ZFPM2: variants seen among roughly 807,000 people sequenced by gnomAD.
The protein encoded by ZFPM2 is zinc finger protein, FOG family member 2, also known as zinc finger protein ZFPM2.
ZFPM2 carries 20 observed loss-of-function variants against 98.6 expected under a neutral mutation model. The ratio of observed to expected loss-of-function variants is 0.20; its 90% confidence interval spans 0.14 to 0.29. ZFPM2 has a LOEUF of 0.29. Among genes scored for constraint, ZFPM2 ranks in the 10% least tolerant of loss-of-function variants. The probability of loss-of-function intolerance (pLI) is 1.00; values close to 1 mark genes in which losing one functional copy is unlikely to be tolerated. For synonymous variants in ZFPM2, 518 were observed against 502.7 expected (o/e 1.03, Z -0.41); for missense variants, 1,310 against 1,388.6 (o/e 0.94, Z 0.90).
intron 3 of ZFPM2, among the ~76,000 whole-genome samples, chr8:105,508,667 C>A (rs1376404055): frequency 2.6e-5 from 4 of 152,082 alleles, no homozygotes; most frequent in African/African-American, 9.6e-5. Context: ...CTCTTCTATC[C>A]TAATCTGTAA....
chr8:105,512,882 ATGTG>A (rs141926738), intron 3 of ZFPM2, among the ~76,000 whole-genome samples: 1 of 151,356 alleles, frequency 6.6e-6, no homozygotes, highest in Non-Finnish European at 1.5e-5. Context: ...ATGTATGTAT[ATGTG>A]TGTGTGTGTG....
At chr8:105,757,334 A>G (rs1812626647) in intron 5 of ZFPM2, among the ~76,000 whole-genome samples, 1 of 152,192 alleles carries the variant, frequency 6.6e-6, no homozygotes, top group South Asian at 2.1e-4. Context: ...TTTGCTTTAA[A>G]AGATATATTT....
intron 1 of ZFPM2, among the ~76,000 whole-genome samples, chr8:105,337,827 T>G (rs1222593408): frequency 6.6e-6 from 1 of 151,564 alleles, no homozygotes; most frequent in Admixed American, 6.6e-5. Flanking sequence ...ACTGCAAATT[T>G]TGTGAGTGAG....
intron 2 of ZFPM2, among the ~76,000 whole-genome samples, chr8:105,424,765 T>C (rs947919677): frequency 3.3e-5 from 5 of 152,212 alleles, no homozygotes; most frequent in Non-Finnish European, 7.3e-5. Context: ...AACCCATATA[T>C]TAAGCATCTG....
At chr8:105,497,516 A>T (rs752477737) in intron 3 of ZFPM2, among the ~76,000 whole-genome samples, 3 of 152,198 alleles carry the variant, frequency 2.0e-5, no homozygotes, top group Non-Finnish European at 4.4e-5. Context: ...TAATTTATTG[A>T]TTTAGACATA....
chr8:105,785,232 C>T (rs923974548), intron 5 of ZFPM2: 1 of 152,096 alleles, frequency 6.6e-6, no homozygotes, highest in Non-Finnish European at 1.5e-5. Flanking sequence ...ATAAATTCAC[C>T]AGAAGTCTGT....
intron 5 of ZFPM2, among the ~76,000 whole-genome samples, chr8:105,664,599 G>A (rs1817456077): frequency 6.6e-6 from 1 of 152,126 alleles, no homozygotes; most frequent in African/African-American, 2.4e-5. Flanking sequence ...CTCCCAAAGT[G>A]CTTGGGATTA....
intron 5 of ZFPM2, among the ~76,000 whole-genome samples, chr8:105,716,334 CATATT>C (rs1322248856): frequency 6.6e-6 from 1 of 151,426 alleles, no homozygotes; most frequent in Admixed American, 6.6e-5. Flanking sequence ...AAATGGTTCT[CATATT>C]AGACATTGCA....
chr8:105,450,007 T>G (rs1812453532), intron 3 of ZFPM2, among the ~76,000 whole-genome samples: 1 of 152,102 alleles, frequency 6.6e-6, no homozygotes, highest in South Asian at 2.1e-4. Context: ...CCACCCGACT[T>G]AAAACATGAT....
intron 2 of ZFPM2, among the ~76,000 whole-genome samples, chr8:105,427,045 T>G (rs1305761047): frequency 6.6e-6 from 1 of 152,184 alleles, no homozygotes; most frequent in African/African-American, 2.4e-5. Flanking sequence ...CACTCTTTTA[T>G]AGCCATCTTA....
intron 3 of ZFPM2, among the ~76,000 whole-genome samples, chr8:105,479,919 T>C (rs1328906303): frequency 6.6e-6 from 1 of 152,178 alleles, no homozygotes; most frequent in African/African-American, 2.4e-5. Flanking sequence ...ATCATGCTTA[T>C]TTTAAAGTAT....
At chr8:105,699,167 A>G (rs1229126470) in intron 5 of ZFPM2, among the ~76,000 whole-genome samples, 1 of 152,166 alleles carries the variant, frequency 6.6e-6, no homozygotes, top group Non-Finnish European at 1.5e-5. Flanking sequence ...ATTAAAATTA[A>G]ATGTGAGTGA....
At position 105,802,462 on chromosome 8, in the gene ZFPM2, A is replaced by G. The variant is rs1312588972; in HGVS notation, c.2380A>G (p.Ile794Val). 3 of 1,613,598 alleles carry G rather than the reference A, an allele frequency of 1.9e-6. No homozygotes were observed. The highest frequency in any genetic ancestry group is 2.5e-6 in the Non-Finnish European group (3 of 1,179,748). Residue 794 changes from isoleucine (I) to valine (V), a missense_variant, in exon 8 of 8, where the codon ATT becomes GTT. Physicochemically the swap from Ile to Val is conservative, Grantham distance 29. Coordinates refer to ENST00000407775, the MANE Select transcript of ZFPM2 (RefSeq NM_012082.4). ...YHPRCDIFPG[I>V]VSKHLETSLT... ...CCCAAGATGTGATATCTTTCCAGGAATTGTCTCTAAACACTTGGAAACTTC... is the reference window on the plus strand; with the variant it reads ...CCCAAGATGTGATATCTTTCCAGGAGTTGTCTCTAAACACTTGGAAACTTC...
At chr8:105,667,646 T>A (rs1307851727) in intron 5 of ZFPM2, among the ~76,000 whole-genome samples, 1 of 152,144 alleles carries the variant, frequency 6.6e-6, no homozygotes, top group Non-Finnish European at 1.5e-5. Flanking sequence ...GTTTTCTACA[T>A]AGAGTTCAAT....
At chr8:105,754,507 A>G (rs558642501) in intron 5 of ZFPM2, among the ~76,000 whole-genome samples, 269 of 152,222 alleles carry the variant, frequency 1.8e-3, no homozygotes, top group Non-Finnish European at 1.8e-3. Flanking sequence ...GGTGACATCA[A>G]TGGAAATTCT....
chr8:105,420,223 T>TTG (rs1236108943), intron 2 of ZFPM2, among the ~76,000 whole-genome samples: 2 of 152,134 alleles, frequency 1.3e-5, no homozygotes, highest in African/African-American at 4.8e-5. Context: ...AAGTGGACTT[T>TTG]TGTGTGTGTG....
chr8:105,729,444 G>A (rs1429817189), intron 5 of ZFPM2, among the ~76,000 whole-genome samples: 3 of 151,390 alleles, frequency 2.0e-5, no homozygotes, highest in African/African-American at 7.3e-5. Flanking sequence ...AAGCATAAGA[G>A]CCTGGCACAA....
At position 105,330,595 on chromosome 8, in the gene ZFPM2, C is replaced by CAT. The variant is rs10550161; in HGVS notation, c.40+11628_40+11629dup. Among the ~76,000 whole-genome samples, 24 of 88,226 alleles carry CAT rather than the reference C, an allele frequency of 2.7e-4. No individual in the cohort carries two copies. In the South Asian group the frequency reaches 3.9e-3, roughly 14 times the overall value. The allele number at this position is 88,226 out of a possible 152,430, so 57.9% of individuals were successfully genotyped here. On this transcript the variant is annotated intron_variant, in intron 1 of 7. Coordinates refer to ENST00000407775, the MANE Select transcript of ZFPM2 (RefSeq NM_012082.4). ...ATATATATATACATATATATATATA[C>CAT]ATATATATATATATACACATATATA... is the stretch of plus-strand genomic sequence containing the variant.
intron 5 of ZFPM2, among the ~76,000 whole-genome samples, chr8:105,741,615 G>T (rs1490515280): frequency 1.3e-5 from 2 of 152,078 alleles, no homozygotes; most frequent in Non-Finnish European, 2.9e-5. Flanking sequence ...TGGAAACTAA[G>T]TTCTGTTTTG....
Sources: allele counts gnomAD v4.1 joint callset (sites outside exome capture counted in the v4.1 genomes callset), GRCh38; gene constraint gnomAD v4.1.1; transcripts MANE v1.5; gene names NCBI Gene and HGNC (gene_info 2026-07-23, HGNC 2026-07-21).